The following PRG4 variants were observed in gnomAD, a reference collection of about 807,000 sequenced individuals.
The protein encoded by PRG4 is proteoglycan 4.
A neutral mutation model predicts 91.2 loss-of-function variants in PRG4; 61 were observed. The ratio of observed to expected loss-of-function variants is 0.67; its 90% CI spans 0.54 to 0.83. The LOEUF is 0.83. Ranked by LOEUF, PRG4 falls within the 40% of genes least tolerant of loss-of-function variation. PRG4 has a pLI of 0.00. For missense variants in PRG4, 1,564 were observed against 1,714.2 expected (o/e 0.91, Z 1.55); for synonymous variants, 576 against 614.2 (o/e 0.94, Z 0.92).
At chr1:186,304,988 T>G in intron 6 of PRG4, 66 bp downstream of exon 6, 2 of 1,526,214 alleles carry the variant, frequency 1.3e-6, no homozygotes, top group Non-Finnish European at 1.8e-6. Flanking sequence ...TATTTAAAAG[T>G]AATGCGTGTT....
chr1:186,313,597 T>G (rs1657442525), intron 12 of PRG4, 84 bp from the exon 13 acceptor site: 1 of 816,604 alleles, frequency 1.2e-6, no homozygotes, highest in African/African-American at 1.7e-5. Flanking sequence ...ACATTGTCTT[T>G]GAGCATAATA....
chr1:186,299,241 A>G (rs974472110), intron 2 of PRG4, among the ~76,000 whole-genome samples: 1 of 152,230 alleles, frequency 6.6e-6, no homozygotes, highest in African/African-American at 2.4e-5. Context: ...ACCTCTGTTC[A>G]TGACCTTTAT....
chr1:186,299,315 G>T (rs1571549296), intron 2 of PRG4, among the ~76,000 whole-genome samples: 2 of 152,194 alleles, frequency 1.3e-5, no homozygotes, highest in Non-Finnish European at 2.9e-5. Flanking sequence ...TGCCTCCCCT[G>T]ACATTTTAAA....
intron 5 of PRG4, 120 bp from the exon 6 acceptor site, chr1:186,304,674 A>G: frequency 7.5e-7 from 1 of 1,337,030 alleles, no homozygotes; most frequent in South Asian, 1.3e-5. Context: ...TATTACTAAT[A>G]AAAGCAAAAT....
intron 2 of PRG4, among the ~76,000 whole-genome samples, chr1:186,298,505 T>C (rs1313881354): frequency 2.0e-5 from 3 of 151,370 alleles, no homozygotes; most frequent in Non-Finnish European, 2.9e-5. Flanking sequence ...TTTTTTTTTC[T>C]TTTGAGACAG....
intron 12 of PRG4, 127 bp from the exon 13 acceptor site, chr1:186,313,554 T>G (rs1483593457): frequency 1.6e-5 from 10 of 635,090 alleles, no homozygotes; most frequent in Admixed American, 1.1e-4. Flanking sequence ...AAGTTCAAAT[T>G]AATTAGTAAA....
chr1:186,311,645 C>G, intron 10 of PRG4, 49 bp downstream of exon 10: 1 of 1,542,754 alleles, frequency 6.5e-7, no homozygotes, highest in Middle Eastern at 1.7e-4. Flanking sequence ...AAGAATTACA[C>G]TCAGCATTTT....
At chr1:186,301,404 T>C (rs2102011879) in intron 3 of PRG4, among the ~76,000 whole-genome samples, 188 bp from the exon 4 acceptor site, 1 of 152,312 alleles carries the variant, frequency 6.6e-6, no homozygotes, top group East Asian at 1.9e-4. Flanking sequence ...ATTTCTTTTT[T>C]GACTTGGGCT....
intron 8 of PRG4, among the ~76,000 whole-genome samples, chr1:186,310,073 C>T (rs1657066809): frequency 7.3e-6 from 1 of 137,192 alleles, no homozygotes; most frequent in Middle Eastern, 4.5e-3. Flanking sequence ...AACCAAGACC[C>T]TGAACTGATA....
Position 186,311,581 on chromosome 1 carries a change from T to C in PRG4, c.3778T>C (p.Tyr1260His), listed in dbSNP as rs1657239930. 1.9e-6 allele frequency: 3 copies of C among 1,613,892 alleles called. No individual in the cohort carries two copies. The highest frequency in any genetic ancestry group is 2.5e-6 in the Non-Finnish European group (3 of 1,179,914). The change falls in exon 10 of 13, where the codon TAT becomes CAT. Residue 1260 changes from tyrosine (Y) to histidine (H), a missense_variant. Tyr to His is a moderately conservative substitution (Grantham distance 83, BLOSUM62 2). Transcript: ENST00000445192. ...AKYKNWPESVYFFKRGGSIQQ... is the reference protein window; with the variant it reads ...AKYKNWPESVHFFKRGGSIQQ... ...ATATAAGAACTGGCCTGAATCTGTG[T>C]ATTTTTTCAAGAGAGGTATGTGTTA...
intron 5 of PRG4, among the ~76,000 whole-genome samples, 161 bp downstream of exon 5, chr1:186,304,418 A>G (rs1656418600): frequency 6.6e-6 from 1 of 152,206 alleles, no homozygotes; most frequent in African/African-American, 2.4e-5. Flanking sequence ...AAAGTTTAAG[A>G]CAAAGTATAA....
At chr1:186,312,659 G>C (rs1657355223) in intron 11 of PRG4, 110 bp from the exon 12 acceptor site, 4 of 1,192,742 alleles carry the variant, frequency 3.4e-6, no homozygotes, top group Non-Finnish European at 5.0e-6. Context: ...ACCCTCAATA[G>C]TTCTACATCA....
chr1:186,304,222 C>T lies in PRG4; in HGVS notation c.434C>T (p.Thr145Ile). ...CCCAAACCACCAAACAAGAAGAAGA[C>T]TAAGAAAGTTATAGAATCAGAGGAA... is the stretch of plus-strand genomic sequence containing the variant. ...RSPKPPNKKKTKKVIESEEIT... is the reference protein window; with the variant it reads ...RSPKPPNKKKIKKVIESEEIT... Residue 145 changes from threonine to isoleucine, a missense_variant, in exon 5 of 13, where the codon ACT (threonine) becomes ATT (isoleucine). By Grantham distance (89) the Thr-to-Ile change is moderately conservative. Coordinates refer to ENST00000445192, the MANE Select transcript of PRG4 (RefSeq NM_005807.6). The T allele has an allele frequency of 6.2e-7, 1 of 1,613,564 alleles. No homozygotes were observed. The highest frequency in any genetic ancestry group is 8.5e-7 in the Non-Finnish European group (1 of 1,179,596).
At chr1:186,303,153 G>T (rs953911226) in intron 4 of PRG4, among the ~76,000 whole-genome samples, 14 of 152,120 alleles carry the variant, frequency 9.2e-5, no homozygotes, top group African/African-American at 3.4e-4. Context: ...TTCAAGAATT[G>T]AAGGAATCCC....
At chr1:186,297,793 G>T (rs1047996235) in intron 2 of PRG4, among the ~76,000 whole-genome samples, 1 of 152,122 alleles carries the variant, frequency 6.6e-6, no homozygotes, top group African/African-American at 2.4e-5. Flanking sequence ...AACATTTCCA[G>T]TAAAATACGA....
chr1:186,309,998 CAGG>C, intron 8 of PRG4, 128 bp downstream of exon 8: 1 of 758,842 alleles, frequency 1.3e-6, no homozygotes. Flanking sequence ...GCACACCTCA[CAGG>C]AGAATCCGAG....
chr1:186,300,078 T>C lies in PRG4; in HGVS notation c.77-13T>C. The C allele has an allele frequency of 6.2e-7, 1 of 1,613,950 alleles. No individual in the cohort carries two copies. The highest frequency in any genetic ancestry group is 1.7e-5 in the Admixed American group (1 of 60,032). ...GGTTTGGCCATATTTACGCCAGTAT[T>C]GTATAATTTTAGATTTATCAAGCTG... On this transcript the variant is annotated splice_polypyrimidine_tract_variant and intron_variant, in intron 2 of 12. Coordinates refer to ENST00000445192, the MANE Select transcript of PRG4 (RefSeq NM_005807.6).
rs1431934949 is a variant in PRG4 at position 186,304,688 on chromosome 1, G to T, written c.470-106G>T. The T allele has an allele frequency of 2.1e-6, 3 of 1,404,890 alleles. No homozygotes were observed. In the East Asian group the frequency reaches 7.0e-5, roughly 33 times the overall value. 87.0% of individuals were successfully genotyped at this position (1,404,890 alleles called of 1,614,324 possible). On this transcript the variant is annotated intron_variant, in intron 5 of 12. Coordinates refer to ENST00000445192, the MANE Select transcript of PRG4 (RefSeq NM_005807.6). The stretch of plus-strand genomic sequence containing the variant: ...ATATTACTAATAAAAGCAAAATCCA[G>T]ATACTTGTAGACTAGTAAATAGCAC...
chr1:186,307,553 A>G lies in PRG4; in HGVS notation c.1834A>G (p.Thr612Ala). 1 of 1,574,480 alleles carries G rather than the reference A, an allele frequency of 6.4e-7. No homozygotes were observed. Residue 612 changes from threonine (T) to alanine (A), a missense_variant, in exon 7 of 13, where the codon ACC becomes GCC. Around this residue, in one of 3 missense-constraint regions of PRG4, gnomAD observed 1,079 missense variants for 1,162.2 expected, o/e 0.93. Coordinates refer to ENST00000445192, the MANE Select transcript of PRG4 (RefSeq NM_005807.6). The part of the protein sequence containing the change: ...PTTPKEPAPT[T>A]PKETAPTTPK... ...CACTCCCAAAGAGCCTGCCCCAACT[A>G]CCCCCAAGGAGACTGCACCCACCAC...
Sources: gnomAD v4.1 joint callset for allele counts (sites outside exome capture counted in the v4.1 genomes callset) on GRCh38, gnomAD v4.1.1 for gene constraint, gnomAD v4.1.1 regional missense constraint, MANE v1.5 for transcripts, NCBI Gene and HGNC (gene_info 2026-07-23, HGNC 2026-07-21) for gene names.